Variants in PIK3C2G observed in about 807,000 individuals in gnomAD.
PIK3C2G encodes phosphatidylinositol 3-kinase C2 domain-containing subunit gamma.
In PIK3C2G, 168 loss-of-function variants were observed where a neutral mutation model predicts 181.1. The ratio of observed to expected loss-of-function variants is 0.93; its 90% CI spans 0.82 to 1.05. The LOEUF (loss-of-function observed/expected upper bound fraction) is 1.05. PIK3C2G is among the 50% of genes least tolerant of loss of function. PIK3C2G has a pLI of 0.00. For synonymous variants in PIK3C2G, 573 were observed against 592.2 expected (o/e 0.97, Z 0.47); for missense variants, 1,869 against 1,732.8 (o/e 1.08, Z -1.40).
At chr12:18,515,669 T>C (rs983624263) in intron 24 of PIK3C2G, among the ~76,000 whole-genome samples, 6 of 152,034 alleles carry the variant, frequency 3.9e-5, no homozygotes, top group Non-Finnish European at 7.4e-5. Flanking sequence ...GAACCAACTA[T>C]CTTCGTCATT....
At chr12:18,608,351 T>C (rs1173639694) in intron 30 of PIK3C2G, among the ~76,000 whole-genome samples, 3 of 151,952 alleles carry the variant, frequency 2.0e-5, no homozygotes, top group African/African-American at 7.3e-5. Context: ...ATGTGGCACA[T>C]ATACACCATG....
intron 13 of PIK3C2G, among the ~76,000 whole-genome samples, chr12:18,379,576 A>G (rs1942694339): frequency 6.6e-6 from 1 of 152,220 alleles, no homozygotes; most frequent in Admixed American, 6.5e-5. Flanking sequence ...CTAAGAGGGG[A>G]AAAGGATATA....
At chr12:18,337,755 A>G (rs1425225742) in intron 8 of PIK3C2G, among the ~76,000 whole-genome samples, 3 of 152,190 alleles carry the variant, frequency 2.0e-5, no homozygotes, top group Non-Finnish European at 4.4e-5. Flanking sequence ...ACCAGGCTTC[A>G]CTTCCAACAT....
At chr12:18,523,371 T>G (rs1036075980) in intron 24 of PIK3C2G, among the ~76,000 whole-genome samples, 3 of 152,174 alleles carry the variant, frequency 2.0e-5, no homozygotes, top group Non-Finnish European at 4.4e-5. Flanking sequence ...CAGTCATTGT[T>G]TGTGTTTTTT....
At chr12:18,723,579 T>A in the PIK3C2G span, 2 of 1,447,810 alleles carry the variant, frequency 1.4e-6, no homozygotes, top group Non-Finnish European at 1.9e-6. Flanking sequence ...ACATTGTGAG[T>A]ATAAAAAATA....
intron 15 of PIK3C2G, among the ~76,000 whole-genome samples, chr12:18,392,000 G>C (rs574224499): frequency 5.3e-5 from 8 of 152,216 alleles, no homozygotes; most frequent in African/African-American, 1.9e-4. Flanking sequence ...GAAAAATCTT[G>C]AGTGATACCT....
chr12:18,317,247 G>A (rs113059392), intron 6 of PIK3C2G, among the ~76,000 whole-genome samples: 1 of 151,848 alleles, frequency 6.6e-6, no homozygotes, highest in African/African-American at 2.4e-5. Flanking sequence ...TCCTGACCTC[G>A]TGATCCACCT....
chr12:18,446,911 A>G (rs1947061459), intron 18 of PIK3C2G, among the ~76,000 whole-genome samples: 1 of 152,034 alleles, frequency 6.6e-6, no homozygotes, highest in Non-Finnish European at 1.5e-5. Context: ...GCATCTCGCT[A>G]TTTAATGCCA....
intron 14 of PIK3C2G, among the ~76,000 whole-genome samples, chr12:18,383,984 ATTATTTT>A (rs796612357): frequency 0.013 from 1,709 of 134,370 alleles, 30 homozygotes; most frequent in African/African-American, 0.044. Context: ...TATTATTATT[ATTATTTT>A]TTTTTTTTTT....
chr12:18,716,264 CA>C, the PIK3C2G span, among the ~76,000 whole-genome samples: 4 of 151,972 alleles, frequency 2.6e-5, no homozygotes, highest in Admixed American at 6.6e-5. Flanking sequence ...AAAAAACCAC[CA>C]AGAACTATAT....
the PIK3C2G span, among the ~76,000 whole-genome samples, chr12:18,690,814 G>A: frequency 6.6e-6 from 1 of 152,150 alleles, no homozygotes; most frequent in Non-Finnish European, 1.5e-5. Flanking sequence ...GTGAGTCATG[G>A]TTAGAGAAGG....
intron 1 of PIK3C2G, among the ~76,000 whole-genome samples, chr12:18,266,452 A>T (rs1169675081): frequency 6.6e-6 from 1 of 152,162 alleles, no homozygotes; most frequent in Non-Finnish European, 1.5e-5. Context: ...TACGGAGTAA[A>T]TTTTGAAATT....
the PIK3C2G span, chr12:18,683,661 G>C: frequency 7.6e-7 from 1 of 1,310,702 alleles, no homozygotes; most frequent in Non-Finnish European, 1.0e-6. Flanking sequence ...ATTGAGACAA[G>C]GTAATTGGGA....
chr12:18,295,329 GA>G (rs1327697028), intron 5 of PIK3C2G, among the ~76,000 whole-genome samples: 1 of 151,742 alleles, frequency 6.6e-6, no homozygotes, highest in Non-Finnish European at 1.5e-5. Flanking sequence ...ACCTTATATT[GA>G]ATACTCATTT....
intron 26 of PIK3C2G, among the ~76,000 whole-genome samples, chr12:18,550,626 CATATA>C (rs1228916304): frequency 1.3e-5 from 2 of 151,974 alleles, no homozygotes; most frequent in Admixed American, 1.3e-4. Flanking sequence ...ATATTATATA[CATATA>C]ATATGAGCCC....
intron 26 of PIK3C2G, among the ~76,000 whole-genome samples, chr12:18,559,848 A>T (rs1945253441): frequency 7.3e-6 from 1 of 136,786 alleles, no homozygotes. Context: ...AGAGAGAGAG[A>T]GAGAGAGAGA....
chr12:18,414,309 T>C (rs1324572982), intron 16 of PIK3C2G, among the ~76,000 whole-genome samples: 1 of 152,156 alleles, frequency 6.6e-6, no homozygotes, highest in Non-Finnish European at 1.5e-5. Flanking sequence ...TTAATAAAAC[T>C]TTCGTATAGA....
intron 11 of PIK3C2G, among the ~76,000 whole-genome samples, chr12:18,350,278 A>G (rs1307263045): frequency 6.6e-6 from 1 of 152,148 alleles, no homozygotes; most frequent in African/African-American, 2.4e-5. Flanking sequence ...TGAGGAGATT[A>G]TAAGTAAGTC....
At chr12:18,266,052 T>C (rs948025718) in intron 1 of PIK3C2G, among the ~76,000 whole-genome samples, 2 of 119,484 alleles carry the variant, frequency 1.7e-5, no homozygotes, top group African/African-American at 6.0e-5. Flanking sequence ...CACTACGCAA[T>C]AGAAAATTTA....
Sources: gnomAD v4.1 joint callset for allele counts (sites outside exome capture counted in the v4.1 genomes callset) on GRCh38, gnomAD v4.1.1 for gene constraint, MANE v1.5 for transcripts, NCBI Gene and HGNC (gene_info 2026-07-23, HGNC 2026-07-21) for gene names.